The following LRP1B variants were observed in gnomAD, a reference collection of about 807,000 sequenced individuals.
LRP1B encodes the protein low-density lipoprotein receptor-related protein 1B.
A neutral mutation model predicts 556.6 loss-of-function variants in LRP1B; 217 were observed. The observed-to-expected ratio is 0.39, with a 90% CI of 0.35 to 0.44. LRP1B has a LOEUF of 0.44. Ranked by LOEUF, LRP1B falls within the 20% of genes least tolerant of loss-of-function variation. The probability of loss-of-function intolerance (pLI) is 1.00; values close to 1 mark genes in which losing one functional copy is unlikely to be tolerated. For synonymous variants in LRP1B, 2,047 were observed against 1,865.8 expected (o/e 1.10, Z -2.50); for missense variants, 5,053 against 5,620.8 (o/e 0.90, Z 3.23).
intron 3 of LRP1B, among the ~76,000 whole-genome samples, chr2:141,277,237 C>A (rs1354366652): frequency 6.6e-6 from 1 of 152,166 alleles, no homozygotes; most frequent in East Asian, 1.9e-4. Context: ...AGTGGTTGAA[C>A]AAATTTACAT....
chr2:142,040,094 C>T (rs1704012817), intron 1 of LRP1B, among the ~76,000 whole-genome samples: 1 of 151,422 alleles, frequency 6.6e-6, no homozygotes, highest in African/African-American at 2.4e-5. Flanking sequence ...CCAGAGTACA[C>T]TAGTACCATA....
chr2:140,802,162 G>T lies in LRP1B; in HGVS notation c.5359+11495C>A, dbSNP rs370089026. ...TCTACTCAACAAGCAATTTTCCAGT[G>T]GTTGTCAATGGAAGGTTTCCATTCT... On this transcript the variant is annotated intron_variant, in intron 32 of 90. Transcript: ENST00000389484. 5.3e-5 allele frequency among the ~76,000 whole-genome samples: 8 copies of T among 152,190 alleles called. No individual in the cohort carries two copies. In the South Asian group the frequency reaches 1.5e-3, roughly 28 times the overall value.
intron 41 of LRP1B, among the ~76,000 whole-genome samples, chr2:140,687,353 A>T (rs553352490): frequency 2.0e-5 from 3 of 152,306 alleles, no homozygotes; most frequent in African/African-American, 7.2e-5. Flanking sequence ...TAAAAAGTTA[A>T]TAAGGTTTAG....
chr2:140,430,248 G>C (rs1685862966), intron 66 of LRP1B, among the ~76,000 whole-genome samples: 1 of 152,126 alleles, frequency 6.6e-6, no homozygotes, highest in Admixed American at 6.6e-5. Context: ...AGGTGAACTA[G>C]TTGCCTTAAC....
intron 31 of LRP1B, among the ~76,000 whole-genome samples, chr2:140,817,974 G>A (rs1691186369): frequency 6.6e-6 from 1 of 152,062 alleles, no homozygotes; most frequent in Non-Finnish European, 1.5e-5. Context: ...AGTTTAATTG[G>A]TTTGGGCTGG....
chr2:141,280,281 C>T (rs571986177), intron 3 of LRP1B, among the ~76,000 whole-genome samples: 14 of 152,022 alleles, frequency 9.2e-5, no homozygotes, highest in Non-Finnish European at 1.6e-4. Flanking sequence ...TTCCATATGA[C>T]GAGTTATTTG....
intron 1 of LRP1B, among the ~76,000 whole-genome samples, chr2:141,877,979 TC>T (rs1424214291): frequency 6.6e-6 from 1 of 151,908 alleles, no homozygotes; most frequent in Non-Finnish European, 1.5e-5. Context: ...GAAAATAGGC[TC>T]ATACTTCTTG....
chr2:140,893,570 T>C (rs1693862291), intron 23 of LRP1B, among the ~76,000 whole-genome samples: 1 of 152,184 alleles, frequency 6.6e-6, no homozygotes, highest in South Asian at 2.1e-4. Flanking sequence ...TTTCCGTAGG[T>C]ATAAAATCAG....
At chr2:140,651,350 T>G (rs867171023) in intron 41 of LRP1B, among the ~76,000 whole-genome samples, 1,019 of 62,134 alleles carry the variant, frequency 0.016, 21 homozygotes, top group Middle Eastern at 0.064. Flanking sequence ...TGGGGACTGT[T>G]GTGGGGTGGG....
intron 86 of LRP1B, among the ~76,000 whole-genome samples, chr2:140,247,589 C>T (rs777985753): frequency 1.3e-5 from 2 of 151,632 alleles, no homozygotes; most frequent in Non-Finnish European, 3.0e-5. Context: ...AACTAACTAC[C>T]AAACAGCAAA....
intron 35 of LRP1B, among the ~76,000 whole-genome samples, chr2:140,722,601 G>C (rs1687451848): frequency 6.6e-6 from 1 of 152,056 alleles, no homozygotes; most frequent in African/African-American, 2.4e-5. Flanking sequence ...ATCTACCTTG[G>C]CTGATAGTGC....
chr2:141,509,223 GATAA>G (rs1684036088), intron 2 of LRP1B, among the ~76,000 whole-genome samples: 1 of 152,086 alleles, frequency 6.6e-6, no homozygotes, highest in Non-Finnish European at 1.5e-5. Flanking sequence ...AACAGCCCAA[GATAA>G]ATATAACATT....
At chr2:141,972,421 T>C (rs1011913706) in intron 1 of LRP1B, among the ~76,000 whole-genome samples, 2 of 151,606 alleles carry the variant, frequency 1.3e-5, no homozygotes, top group African/African-American at 4.8e-5. Context: ...TTTTTTAATA[T>C]AAAAAAGCAA....
At chr2:140,752,916 A>C (rs1317898705) in intron 35 of LRP1B, among the ~76,000 whole-genome samples, 1 of 152,084 alleles carries the variant, frequency 6.6e-6, no homozygotes, top group Non-Finnish European at 1.5e-5. Flanking sequence ...AGTAGGGTTC[A>C]CTCTTGGTGT....
chr2:141,949,214 T>C (rs1278636904), intron 1 of LRP1B, among the ~76,000 whole-genome samples: 1 of 152,108 alleles, frequency 6.6e-6, no homozygotes, highest in African/African-American at 2.4e-5. Flanking sequence ...TCAAAAGAAG[T>C]ATGTAAGGGC....
intron 7 of LRP1B, among the ~76,000 whole-genome samples, chr2:141,144,298 T>A (rs1475227170): frequency 6.6e-6 from 1 of 152,210 alleles, no homozygotes; most frequent in Admixed American, 6.5e-5. Flanking sequence ...TAACTTATCC[T>A]ACATCACATA....
chr2:141,748,484 G>A (rs927699525), intron 2 of LRP1B, among the ~76,000 whole-genome samples: 2 of 152,100 alleles, frequency 1.3e-5, no homozygotes, highest in African/African-American at 2.4e-5. Context: ...CTGGGCAAGC[G>A]CTCATTATCA....
At chr2:141,716,382 G>T (rs1430321721) in intron 2 of LRP1B, among the ~76,000 whole-genome samples, 1 of 152,122 alleles carries the variant, frequency 6.6e-6, no homozygotes, top group Non-Finnish European at 1.5e-5. Context: ...AGTCACGGAT[G>T]CTAGTGTTTT....
chr2:141,907,423 A>G (rs1699787168), intron 1 of LRP1B, among the ~76,000 whole-genome samples: 1 of 151,978 alleles, frequency 6.6e-6, no homozygotes, highest in Admixed American at 6.6e-5. Context: ...TCAGATTTCT[A>G]TATCGCTTTC....
Sources: allele counts gnomAD v4.1 joint callset (sites outside exome capture counted in the v4.1 genomes callset), GRCh38; gene constraint gnomAD v4.1.1; transcripts MANE v1.5; gene names NCBI Gene and HGNC (gene_info 2026-07-23, HGNC 2026-07-21).